Variants in COLEC12 observed in about 807,000 individuals in gnomAD.
COLEC12 encodes the protein collectin subfamily member 12.
COLEC12 carries 33 observed loss-of-function variants against 71.1 expected under a neutral mutation model. That is an observed-to-expected ratio of 0.46 (90% CI 0.35 to 0.62). The LOEUF (loss-of-function observed/expected upper bound fraction) is 0.62. Among genes scored for constraint, COLEC12 ranks in the 20% least tolerant of loss-of-function variants. COLEC12 has a pLI of 0.00. For missense variants in COLEC12, 765 were observed against 916.1 expected, an observed-to-expected ratio of 0.84 and a Z score of 2.13; for synonymous variants, 350 against 353.0, an observed-to-expected ratio of 0.99 and a Z score of 0.10.
At chr18:458,534 C>T (rs541015563) in intron 2 of COLEC12, among the ~76,000 whole-genome samples, 1 of 152,344 alleles carries the variant, frequency 6.6e-6, no homozygotes, top group South Asian at 2.1e-4. Context: ...TCCTGGTTGT[C>T]CAGACCCGTT....
chr18:348,615 G>A (rs1914438320), intron 3 of COLEC12, among the ~76,000 whole-genome samples: 1 of 152,160 alleles, frequency 6.6e-6, no homozygotes. Flanking sequence ...CCATTGGCAA[G>A]GAAAACCCAG....
intron 2 of COLEC12, among the ~76,000 whole-genome samples, chr18:374,083 T>C (rs1915061271): frequency 6.6e-6 from 1 of 152,050 alleles, no homozygotes; most frequent in South Asian, 2.1e-4. Flanking sequence ...GAATTGGAGG[T>C]ATTTCAAAGG....
At chr18:441,235 G>A (rs1053403103) in intron 2 of COLEC12, among the ~76,000 whole-genome samples, 30 of 151,704 alleles carry the variant, frequency 2.0e-4, no homozygotes, top group Non-Finnish European at 3.1e-4. Context: ...GCGACAGAGC[G>A]AGACTCTGTC....
rs72861854 is a variant in COLEC12, at chr18:408,553, C to T, written c.59-51031G>A. ...AAGATTAAGCTTGAATTATTCATAG[C>T]GGTCTCAAAGTTGAAATCCTCCAGG... On this transcript the variant is annotated intron_variant, in intron 2 of 9. Coordinates refer to ENST00000400256, the MANE Select transcript of COLEC12 (RefSeq NM_130386.3). This position sits in a 1 kb window ranked among gnomAD's most constrained non-coding sequence, Gnocchi z 4.3. Among the ~76,000 whole-genome samples, 7,903 of 151,014 alleles carry T rather than the reference C, an allele frequency of 0.052. 368 individuals carry two copies. Among genetic ancestry groups the T allele is most frequent in the African/African-American group, 0.13 (5,142 of 41,056 alleles).
intron 2 of COLEC12, among the ~76,000 whole-genome samples, chr18:446,909 T>A (rs1202600766): frequency 6.6e-6 from 1 of 152,178 alleles, no homozygotes; most frequent in Non-Finnish European, 1.5e-5. Flanking sequence ...ATCAACAGGC[T>A]TTTGAAAAAA....
intron 2 of COLEC12, among the ~76,000 whole-genome samples, chr18:453,997 C>T (rs1916814250): frequency 6.6e-6 from 1 of 152,218 alleles, no homozygotes; most frequent in South Asian, 2.1e-4. Context: ...CTGATTTAGT[C>T]TAGAGGCACA....
At chr18:451,761 A>G (rs1916766687) in intron 2 of COLEC12, among the ~76,000 whole-genome samples, 1 of 152,102 alleles carries the variant, frequency 6.6e-6, no homozygotes, top group African/African-American at 2.4e-5. Context: ...AAAAAAAGAA[A>G]TGACCTGAAA....
rs948061265 is a variant in COLEC12 at position 485,292 on chromosome 18, C to G, written c.8-4535G>C. Among the ~76,000 whole-genome samples the G allele has an allele frequency of 3.9e-5, 6 of 152,178 alleles. No individual in the cohort carries two copies. The South Asian group carries it at 1.2e-3, about 31-fold the overall frequency. ...AATACTTCCCAATGTCTATCTCTGACAGTCATAGCCACACAACTGCCACAC... is the reference window on the plus strand; with the variant it reads ...AATACTTCCCAATGTCTATCTCTGAGAGTCATAGCCACACAACTGCCACAC... On this transcript the variant is annotated intron_variant, in intron 1 of 9. Coordinates refer to ENST00000400256, the MANE Select transcript of COLEC12 (RefSeq NM_130386.3).
At position 319,339 on chromosome 18, in the gene COLEC12, A is replaced by ATATATATATATAT. The variant is rs57135576; in HGVS notation, c.*705_*706insATATATATATATA. On this transcript the variant is annotated 3_prime_UTR_variant, in exon 10 of 10. Coordinates refer to ENST00000400256, the MANE Select transcript of COLEC12 (RefSeq NM_130386.3). Reference sequence around the variant, plus strand: ...GAAACATTAAAAAAAAAAAAAAAAAAAAATATATATATATATATATATATA... The same window carrying ATATATATATATAT: ...GAAACATTAAAAAAAAAAAAAAAAAATATATATATATATAAATATATATATATATATATATATA... 5 of 40,532 alleles carry ATATATATATATAT rather than the reference A, an allele frequency of 1.2e-4. No individual in the cohort carries two copies. The highest frequency in any genetic ancestry group is 2.8e-4 in the Admixed American group (1 of 3,522). 2.5% of individuals were successfully genotyped at this position (40,532 alleles called of 1,614,324 possible).
At chr18:325,642 T>C (rs1396854402) in intron 8 of COLEC12, among the ~76,000 whole-genome samples, 1 of 139,554 alleles carries the variant, frequency 7.2e-6, no homozygotes, top group Non-Finnish European at 1.5e-5. Context: ...TTTTTTTTTT[T>C]TTTTTTTTTT....
At chr18:322,590 C>T (rs1308912743) in intron 8 of COLEC12, among the ~76,000 whole-genome samples, 1 of 152,188 alleles carries the variant, frequency 6.6e-6, no homozygotes, top group East Asian at 1.9e-4. Context: ...ATCAGGTGTG[C>T]TTCCAGACTC....
At chr18:466,402 T>C (rs1917088772) in intron 2 of COLEC12, among the ~76,000 whole-genome samples, 1 of 152,168 alleles carries the variant, frequency 6.6e-6, no homozygotes, top group African/African-American at 2.4e-5. Flanking sequence ...AGCTCCAGTT[T>C]GTCTCCTTCC....
intron 2 of COLEC12, among the ~76,000 whole-genome samples, chr18:441,149 G>A (rs1272336996): frequency 6.8e-6 from 1 of 147,584 alleles, no homozygotes; most frequent in East Asian, 2.0e-4. Context: ...TGGGGAGGCT[G>A]AGGCAGGAGA....
At position 436,533 on chromosome 18, in the gene COLEC12, G is replaced by A. The variant is rs1182177441; in HGVS notation, c.58+44174C>T. 2.5e-4 allele frequency among the ~76,000 whole-genome samples: 36 copies of A among 141,818 alleles called. 2 individuals carry two copies. Among genetic ancestry groups the A allele is most frequent in the Non-Finnish European group, 4.6e-5 (3 of 64,588 alleles). The allele number at this position is 141,818 out of a possible 152,430, so 93.0% of individuals were successfully genotyped here. On this transcript the variant is annotated intron_variant, in intron 2 of 9. Coordinates refer to ENST00000400256, the MANE Select transcript of COLEC12 (RefSeq NM_130386.3). ...TCCATCTCAAAAAAAAAAGGGGGGG[G>A]GGGGGGAAACAGGGGTGGCTTTCTG...
At chr18:361,269 T>C (rs1384625688) in intron 2 of COLEC12, among the ~76,000 whole-genome samples, 2 of 152,170 alleles carry the variant, frequency 1.3e-5, no homozygotes, top group East Asian at 3.9e-4. Context: ...CTATACAATG[T>C]TGCAGTCAGG....
At chr18:444,657 GA>G (rs1311649792) in intron 2 of COLEC12, among the ~76,000 whole-genome samples, 2 of 152,044 alleles carry the variant, frequency 1.3e-5, no homozygotes, top group African/African-American at 4.8e-5. Flanking sequence ...GGAGGGGAGA[GA>G]AAAGGTTAAA....
chr18:496,629 G>A (rs1429184539), intron 1 of COLEC12, among the ~76,000 whole-genome samples: 1 of 152,218 alleles, frequency 6.6e-6, no homozygotes, highest in Admixed American at 6.5e-5. Context: ...AAAACTTTGG[G>A]AGAAGTATAC....
chr18:475,365 G>A (rs1056003740), intron 2 of COLEC12, among the ~76,000 whole-genome samples: 2 of 152,188 alleles, frequency 1.3e-5, no homozygotes, highest in African/African-American at 4.8e-5. Context: ...ATTCCCATCA[G>A]GGAATGGGTC....
chr18:361,704 C>T (rs1357185875), intron 2 of COLEC12, among the ~76,000 whole-genome samples: 2 of 152,190 alleles, frequency 1.3e-5, no homozygotes, highest in African/African-American at 2.4e-5. Context: ...GGTAGACCCA[C>T]AGACACGCCA....
Sources: gnomAD v4.1 joint callset for allele counts (sites outside exome capture counted in the v4.1 genomes callset) on GRCh38, gnomAD v4.1.1 for gene constraint, Gnocchi (gnomAD v3.1) non-coding constraint, MANE v1.5 for transcripts, NCBI Gene and HGNC (gene_info 2026-07-23, HGNC 2026-07-21) for gene names.